SLC1A3: variants seen among roughly 807,000 people sequenced by gnomAD.
The protein encoded by SLC1A3 is excitatory amino acid transporter 1.
In SLC1A3, 21 loss-of-function variants were observed where a neutral mutation model predicts 48.1. The ratio of observed to expected loss-of-function variants is 0.44; its 90% CI spans 0.31 to 0.63. The LOEUF is 0.63. Among genes scored for constraint, SLC1A3 ranks in the 20% least tolerant of loss-of-function variants. The probability of loss-of-function intolerance (pLI) is 0.08; values close to 1 mark genes in which losing one functional copy is unlikely to be tolerated. For synonymous variants in SLC1A3, 239 were observed against 251.4 expected (o/e 0.95, Z 0.47); for missense variants, 546 against 689.0 (o/e 0.79, Z 2.32).
Position 36,643,993 on chromosome 5 carries a change from C to A in SLC1A3, c.319+14406C>A, listed in dbSNP as rs138602047. On this transcript the variant is annotated intron_variant, in intron 3 of 9. Coordinates refer to ENST00000265113, the MANE Select transcript of SLC1A3 (RefSeq NM_004172.5). ...AGCCATTGCACTCCAGCCTGGGCAA[C>A]AGGGCAAGACTCCGTCTCAAAAAAT... Among the ~76,000 whole-genome samples the A allele has an allele frequency of 5.5e-3, 827 of 150,662 alleles. 14 individuals carry two copies. The highest frequency in any genetic ancestry group is 0.019 in the African/African-American group (793 of 40,982).
chr5:36,608,233 G>T, intron 1 of SLC1A3, 96 bp from the exon 2 acceptor site: 1 of 590,712 alleles, frequency 1.7e-6, no homozygotes, highest in East Asian at 2.8e-5. Flanking sequence ...TTCCTGCTGA[G>T]ATTATGCAAT....
Position 36,661,280 on chromosome 5 carries a change from T to C in SLC1A3, c.320-9749T>C, listed in dbSNP as rs1480628080. Among the ~76,000 whole-genome samples, 3 of 152,150 alleles carry C rather than the reference T, an allele frequency of 2.0e-5. No homozygotes were observed. In the East Asian group the frequency reaches 5.8e-4, roughly 29 times the overall value. On this transcript the variant is annotated intron_variant, in intron 3 of 9. Transcript: ENST00000265113. ...TACAAAAATTAGCCAAGCGTGGTGG[T>C]GGGCACCTGTAATCCCAGCTACTTG...
intron 5 of SLC1A3, 35 bp from the exon 6 acceptor site, chr5:36,676,857 C>T: frequency 1.3e-6 from 2 of 1,507,924 alleles, no homozygotes; most frequent in Non-Finnish European, 1.8e-6. Flanking sequence ...AAATAAAAAT[C>T]ACCTTTAATC....
At chr5:36,640,770 G>C (rs945025279) in intron 3 of SLC1A3, among the ~76,000 whole-genome samples, 3 of 152,004 alleles carry the variant, frequency 2.0e-5, no homozygotes, top group African/African-American at 7.2e-5. Flanking sequence ...AAAAAGAGGG[G>C]AACCCCTATA....
rs1338018477 is a variant in SLC1A3, at chr5:36,686,590, T to TTAAAGAGACAAATAGTAGGC, written c.*326_*345dup. 2.6e-5 allele frequency: 8 copies of TTAAAGAGACAAATAGTAGGC among 308,980 alleles called. No homozygotes were observed. In the East Asian group the frequency reaches 5.9e-4, roughly 23 times the overall value. The allele number at this position is 308,980 out of a possible 1,614,324, so 19.1% of individuals were successfully genotyped here. On this transcript the variant is annotated 3_prime_UTR_variant, in exon 10 of 10. Transcript: ENST00000265113. Reference sequence around the variant, plus strand: ...TATAAATGTGATTTTTTTATATAAGTTAAAGAGACAAATAGTAGGCTAAAA... The same window carrying TTAAAGAGACAAATAGTAGGC: ...TATAAATGTGATTTTTTTATATAAGTTAAAGAGACAAATAGTAGGCTAAAGAGACAAATAGTAGGCTAAAA...
At chr5:36,675,095 C>T (rs1742152092) in intron 5 of SLC1A3, among the ~76,000 whole-genome samples, 1 of 152,160 alleles carries the variant, frequency 6.6e-6, no homozygotes, top group South Asian at 2.1e-4. Context: ...TGCTTAGGAT[C>T]TGTAAAACAA....
At chr5:36,623,013 T>TA (rs1561245980) in intron 2 of SLC1A3, among the ~76,000 whole-genome samples, 1,317 of 87,498 alleles carry the variant, frequency 0.015, 19 homozygotes, top group African/African-American at 0.057. Context: ...CTCCATCATC[T>TA]CAAAAAAAAA....
At chr5:36,648,200 T>C (rs1304847899) in intron 3 of SLC1A3, among the ~76,000 whole-genome samples, 2 of 152,190 alleles carry the variant, frequency 1.3e-5, no homozygotes, top group South Asian at 2.1e-4. Context: ...GTCTCAATGT[T>C]GAAAGAAAAA....
chr5:36,645,484 C>T (rs142994190), intron 3 of SLC1A3, among the ~76,000 whole-genome samples: 133 of 151,956 alleles, frequency 8.8e-4, no homozygotes, highest in African/African-American at 3.0e-3. Context: ...TACCACCACG[C>T]CCAGTTAATT....
intron 3 of SLC1A3, among the ~76,000 whole-genome samples, chr5:36,653,481 TG>T (rs1426443166): frequency 6.6e-6 from 1 of 152,216 alleles, no homozygotes; most frequent in African/African-American, 2.4e-5. Flanking sequence ...AAGTCGAATC[TG>T]GTAAACACGC....
chr5:36,664,375 C>T (rs973456304), intron 3 of SLC1A3, among the ~76,000 whole-genome samples: 5 of 152,114 alleles, frequency 3.3e-5, no homozygotes, highest in African/African-American at 1.2e-4. Flanking sequence ...TCCAGTGATC[C>T]ACCCTCCTCG....
intron 3 of SLC1A3, among the ~76,000 whole-genome samples, chr5:36,658,958 A>G (rs978172976): frequency 6.6e-6 from 1 of 151,480 alleles, no homozygotes; most frequent in Non-Finnish European, 1.5e-5. Flanking sequence ...GTAGCCACTC[A>G]CCATGACTGT....
chr5:36,657,987 A>G (rs1468021495), intron 3 of SLC1A3, among the ~76,000 whole-genome samples: 7 of 152,234 alleles, frequency 4.6e-5, no homozygotes, highest in Non-Finnish European at 1.5e-5. Flanking sequence ...AATCCAATCC[A>G]AGACACATTT....
At chr5:36,629,415 A>G (rs1367284947) in intron 2 of SLC1A3, 35 bp from the exon 3 acceptor site, 8 of 1,587,232 alleles carry the variant, frequency 5.0e-6, no homozygotes, top group African/African-American at 4.2e-5. Flanking sequence ...AAAAGACTCA[A>G]TTTTTCTTTT....
At position 36,621,972 on chromosome 5, in the gene SLC1A3, G is replaced by A. The variant is rs551456461; in HGVS notation, c.182-7478G>A. ...ACAAATTAGTGCTAGTTTGGTTTTG[G>A]TTTTGCTACCTAAATGGAAATATCC... On this transcript the variant is annotated intron_variant, in intron 2 of 9. Transcript: ENST00000265113. 2.6e-5 allele frequency among the ~76,000 whole-genome samples: 4 copies of A among 152,282 alleles called. No individual in the cohort carries two copies. The East Asian group carries it at 5.8e-4, about 22-fold the overall frequency.
chr5:36,672,516 C>T (rs189241728), intron 4 of SLC1A3, among the ~76,000 whole-genome samples: 243 of 152,294 alleles, frequency 1.6e-3, no homozygotes, highest in African/African-American at 5.0e-3. Flanking sequence ...AGTGATTGGG[C>T]TGCCAATTAT....
Position 36,608,387 on chromosome 5 carries a change from G to A in SLC1A3, c.-37G>A. ...TTTCTGTGGGTGATTCCCAGACACT[G>A]AAGTGCAAAGAAGAGACCCTCCTAG... On this transcript the variant is annotated 5_prime_UTR_variant, in exon 2 of 10. Transcript: ENST00000265113. The A allele has an allele frequency of 6.2e-7, 1 of 1,606,072 alleles. No homozygotes were observed. The highest frequency in any genetic ancestry group is 1.1e-5 in the South Asian group (1 of 90,898).
upstream of SLC1A3, among the ~76,000 whole-genome samples, chr5:36,603,289 T>G (rs1738829192): frequency 6.6e-6 from 1 of 152,200 alleles, no homozygotes; most frequent in Non-Finnish European, 1.5e-5. Flanking sequence ...TTCTCTTAAG[T>G]TGCTACCAGT....
chr5:36,653,286 G>A (rs923815092), intron 3 of SLC1A3, among the ~76,000 whole-genome samples: 11 of 152,178 alleles, frequency 7.2e-5, no homozygotes, highest in South Asian at 2.1e-4. Flanking sequence ...CATTGTGAGC[G>A]ACACTGGTTT....
Sources: gnomAD v4.1 joint callset for allele counts (sites outside exome capture counted in the v4.1 genomes callset) on GRCh38, gnomAD v4.1.1 for gene constraint, MANE v1.5 for transcripts, NCBI Gene and HGNC (gene_info 2026-07-23, HGNC 2026-07-21) for gene names.